HMCES: variants seen among roughly 807,000 people sequenced by gnomAD.
HMCES encodes 5-hydroxymethylcytosine binding, ES cell specific.
Under a neutral mutation model 35.1 loss-of-function variants are expected in HMCES, and 27 were observed. The ratio of observed to expected loss-of-function variants is 0.77; its 90% CI spans 0.57 to 1.06. The LOEUF is 1.06. HMCES is among the 50% of genes least tolerant of loss of function. The probability of loss-of-function intolerance (pLI) is 0.00; values close to 1 mark genes in which losing one functional copy is unlikely to be tolerated. For missense variants in HMCES, 391 were observed against 430.4 expected (o/e 0.91, Z 0.81); for synonymous variants, 130 against 154.7 (o/e 0.84, Z 1.18).
intron 4 of HMCES, among the ~76,000 whole-genome samples, chr3:129,296,980 C>T (rs1323599756): frequency 1.3e-5 from 2 of 152,028 alleles, no homozygotes; most frequent in African/African-American, 4.8e-5. Context: ...CCTCGTGATC[C>T]GCCTGCCTCG....
intron 6 of HMCES, among the ~76,000 whole-genome samples, chr3:129,303,504 A>G (rs2071196628): frequency 6.6e-6 from 1 of 152,192 alleles, no homozygotes; most frequent in South Asian, 2.1e-4. Context: ...AATGCTTGGG[A>G]ACAGAAGTGT....
At chr3:129,295,158 C>CAAA (rs77238172) in intron 4 of HMCES, among the ~76,000 whole-genome samples, 1,051 of 64,650 alleles carry the variant, frequency 0.016, 24 homozygotes, top group African/African-American at 0.045. Flanking sequence ...GACTCCATCT[C>CAAA]AAAAAAAAAA....
chr3:129,303,228 A>T (rs1429094534), intron 6 of HMCES, among the ~76,000 whole-genome samples: 2 of 152,166 alleles, frequency 1.3e-5, no homozygotes, highest in East Asian at 3.9e-4. Context: ...ATTTAGGAGT[A>T]GTGATTGTTT....
intron 4 of HMCES, among the ~76,000 whole-genome samples, chr3:129,295,454 AC>A (rs1322542223): frequency 1.3e-5 from 2 of 151,646 alleles, no homozygotes; most frequent in East Asian, 1.9e-4. Context: ...AACAAAAAAA[AC>A]CCCACAAAAT....
chr3:129,284,836 TG>T (rs1286558069), intron 2 of HMCES, among the ~76,000 whole-genome samples: 4 of 152,164 alleles, frequency 2.6e-5, no homozygotes, highest in Non-Finnish European at 5.9e-5. Context: ...CGCTTGAACC[TG>T]GGAGGCAGAG....
chr3:129,286,780 G>A (rs978408289), intron 2 of HMCES, among the ~76,000 whole-genome samples: 2 of 151,792 alleles, frequency 1.3e-5, no homozygotes, highest in East Asian at 3.9e-4. Context: ...CCAGACCCCT[G>A]AACCATTGTA....
At chr3:129,281,841 T>C (rs898737608) in intron 2 of HMCES, among the ~76,000 whole-genome samples, 37 of 136,810 alleles carry the variant, frequency 2.7e-4, no homozygotes, top group Admixed American at 1.6e-3. Flanking sequence ...CTGTCTGTAC[T>C]ATAAAAAAAA....
chr3:129,281,453 G>A (rs6439165), intron 2 of HMCES, among the ~76,000 whole-genome samples: 16,606 of 151,994 alleles, frequency 0.11, 2,575 homozygotes, highest in African/African-American at 0.34. Context: ...CACTTTGGGA[G>A]GCCAAGACGG....
chr3:129,289,031 C>A, intron 3 of HMCES, 34 bp downstream of exon 3: 2 of 1,489,538 alleles, frequency 1.3e-6, no homozygotes, highest in South Asian at 1.4e-5. Flanking sequence ...GCCCCGTATA[C>A]CTCAGAAATA....
chr3:129,294,602 A>T (rs2071069554), intron 4 of HMCES, among the ~76,000 whole-genome samples: 1 of 152,216 alleles, frequency 6.6e-6, no homozygotes, highest in Non-Finnish European at 1.5e-5. Context: ...TTTTACATAT[A>T]CTATAAACTT....
At chr3:129,299,733 G>T (rs1282507289) in intron 5 of HMCES, among the ~76,000 whole-genome samples, 1 of 141,432 alleles carries the variant, frequency 7.1e-6, no homozygotes, top group African/African-American at 2.6e-5. Context: ...CTCACTGCAA[G>T]CTCTGCCTCC....
chr3:129,291,984 G>A (rs76944417), intron 4 of HMCES, among the ~76,000 whole-genome samples: 10,100 of 151,870 alleles, frequency 0.067, 1,088 homozygotes, highest in African/African-American at 0.23. Context: ...GCTGAGGTGG[G>A]AAGATGACTT....
intron 5 of HMCES, 109 bp from the exon 6 acceptor site, chr3:129,301,841 G>A (rs2071172643): frequency 3.4e-6 from 3 of 894,090 alleles, no homozygotes; most frequent in Non-Finnish European, 5.2e-6. Flanking sequence ...CAGAGGGAGG[G>A]CAAGCTCCCC....
At position 129,293,072 on chromosome 3, in the gene HMCES, C is replaced by T. The variant is rs139797838; in HGVS notation, c.453+2268C>T. ...TATAAGCAAGCTTGTTTTGCATATA[C>T]TCTAGTCAGTTATTGGTTCCAACCA... On this transcript the variant is annotated intron_variant, in intron 4 of 6. Transcript: ENST00000383463. Among the ~76,000 whole-genome samples, 781 of 152,280 alleles carry T rather than the reference C, an allele frequency of 5.1e-3. 3 individuals carry two copies. Among genetic ancestry groups the T allele is most frequent in the African/African-American group, 0.014 (570 of 41,568 alleles).
intron 3 of HMCES, 116 bp from the exon 4 acceptor site, chr3:129,290,563 C>T (rs1354143771): frequency 3.8e-5 from 42 of 1,091,380 alleles, no homozygotes; most frequent in South Asian, 7.2e-5. Flanking sequence ...GGATTACAGC[C>T]GTGAGCCACC....
intron 6 of HMCES, among the ~76,000 whole-genome samples, chr3:129,302,731 C>A (rs1308974204): frequency 6.6e-6 from 1 of 151,562 alleles, no homozygotes; most frequent in African/African-American, 2.4e-5. Context: ...AAAGAAGCTT[C>A]AGCTGGGTGC....
At position 129,279,666 on chromosome 3, in the gene HMCES, A is replaced by G; in HGVS notation, c.-23-44A>G. The G allele has an allele frequency of 1.3e-6, 2 of 1,575,430 alleles. No individual in the cohort carries two copies. The highest frequency in any genetic ancestry group is 1.1e-5 in the South Asian group (1 of 87,186). ...GGGGACTCAAGGAATAAGACCTAAT[A>G]TTTGAGATACGTAAGCCTTTTCCTT... On this transcript the variant is annotated intron_variant, in intron 1 of 6. Transcript: ENST00000383463. This position sits in a 1 kb window ranked among gnomAD's most constrained non-coding sequence, Gnocchi z 4.2.
intron 5 of HMCES, among the ~76,000 whole-genome samples, chr3:129,301,423 G>A (rs2071167832): frequency 7.4e-6 from 1 of 135,000 alleles, no homozygotes; most frequent in Non-Finnish European, 1.5e-5. Flanking sequence ...CACCCAAAAA[G>A]TGTGTGCCAC....
chr3:129,296,242 G>A (rs142461198), intron 4 of HMCES, among the ~76,000 whole-genome samples: 97 of 152,128 alleles, frequency 6.4e-4, no homozygotes, highest in Middle Eastern at 3.4e-3. Flanking sequence ...TGTATTTTTA[G>A]TAGAGACGGG....
Sources: allele counts gnomAD v4.1 joint callset (sites outside exome capture counted in the v4.1 genomes callset), GRCh38; gene constraint gnomAD v4.1.1; non-coding constraint Gnocchi (gnomAD v3.1); transcripts MANE v1.5; gene names NCBI Gene and HGNC (gene_info 2026-07-23, HGNC 2026-07-21).